Variants in COL21A1 observed in about 807,000 individuals in gnomAD.
The protein encoded by COL21A1 is collagen alpha-1(XXI) chain.
COL21A1 carries 149 observed loss-of-function variants against 137.9 expected under a neutral mutation model. The observed-to-expected ratio is 1.08, with a 90% CI of 0.95 to 1.24. The LOEUF (loss-of-function observed/expected upper bound fraction) is 1.24. Ranked by LOEUF, COL21A1 falls within the 50% of genes most tolerant of loss-of-function variation. The pLI is 0.00. For missense variants in COL21A1, 1,167 were observed against 1,158.4 expected (o/e 1.01, Z -0.11); for synonymous variants, 456 against 391.5 (o/e 1.16, Z -1.95).
chr6:56,266,603 T>C (rs910857430), intron 1 of COL21A1, among the ~76,000 whole-genome samples: 1 of 152,246 alleles, frequency 6.6e-6, no homozygotes, highest in African/African-American at 2.4e-5. Context: ...AAATGACTGC[T>C]GTTCTTTGAA....
chr6:56,202,489 C>T (rs553747547), intron 1 of COL21A1, among the ~76,000 whole-genome samples: 1 of 152,252 alleles, frequency 6.6e-6, no homozygotes, highest in African/African-American at 2.4e-5. Context: ...ATCACTGACC[C>T]TCAATAAATG....
chr6:56,321,137 G>A (rs1764855560), intron 1 of COL21A1, among the ~76,000 whole-genome samples: 1 of 152,168 alleles, frequency 6.6e-6, no homozygotes, highest in Admixed American at 6.6e-5. Flanking sequence ...CTCACAACAT[G>A]TTTGGGAATC....
In COL21A1 at chr6:56,210,060, G is replaced by A. The variant is rs894826121; in HGVS notation, c.-38-27404C>T. 6.0e-4 allele frequency among the ~76,000 whole-genome samples: 91 copies of A among 151,984 alleles called. 1 individual carries two copies. The highest frequency in any genetic ancestry group is 6.8e-3 in the Middle Eastern group (2 of 294). ...CTCATAAGTAGGAGTTGAACAATGA[G>A]AGCACCTGGACTCAGGTGGGAGGCA... On this transcript the variant is annotated intron_variant, in intron 1 of 29. Transcript: ENST00000244728.
intron 24 of COL21A1, among the ~76,000 whole-genome samples, chr6:56,063,442 G>A (rs1032071896): frequency 1.9e-5 from 2 of 104,544 alleles, no homozygotes; most frequent in African/African-American, 7.7e-5. Flanking sequence ...GAGTTGATCT[G>A]TGTTGCCAGG....
At chr6:56,149,846 C>T (rs560514998) in intron 10 of COL21A1, among the ~76,000 whole-genome samples, 332 of 152,340 alleles carry the variant, frequency 2.2e-3, no homozygotes, top group African/African-American at 7.2e-3. Context: ...ACTTCTCCTT[C>T]TGTGTTTGCG....
chr6:56,107,049 A>G (rs1358054287), intron 16 of COL21A1, among the ~76,000 whole-genome samples: 1 of 152,112 alleles, frequency 6.6e-6, no homozygotes, highest in Non-Finnish European at 1.5e-5. Context: ...GGCCTCCGAA[A>G]GTGCTGGGAT....
intron 1 of COL21A1, among the ~76,000 whole-genome samples, chr6:56,215,298 C>G (rs1385356661): frequency 1.3e-5 from 2 of 151,970 alleles, no homozygotes; most frequent in Non-Finnish European, 2.9e-5. Flanking sequence ...TTTATTATCC[C>G]AAATATCTGC....
At chr6:56,331,535 G>A (rs1320420098) in intron 1 of COL21A1, among the ~76,000 whole-genome samples, 1 of 137,218 alleles carries the variant, frequency 7.3e-6, no homozygotes, top group Admixed American at 8.4e-5. Context: ...TGAAAAGGAT[G>A]TCCTTTCCCC....
chr6:56,293,246 A>G (rs1182658128), intron 1 of COL21A1, among the ~76,000 whole-genome samples: 2 of 152,184 alleles, frequency 1.3e-5, no homozygotes, highest in Non-Finnish European at 2.9e-5. Context: ...TTGATTCAAA[A>G]GTTCTCATCT....
intron 1 of COL21A1, among the ~76,000 whole-genome samples, chr6:56,204,332 C>T (rs1408440051): frequency 2.6e-5 from 4 of 152,102 alleles, no homozygotes; most frequent in African/African-American, 7.2e-5. Context: ...GTGGTTTAAC[C>T]CTCACAGTGT....
chr6:56,252,795 TA>T lies in COL21A1; in HGVS notation c.-38-70140del, dbSNP rs370159192. On this transcript the variant is annotated intron_variant, in intron 1 of 28. Transcript: ENST00000370819. ...AAAGAAAATCAGGATGCTGTTACCA[TA>T]AAAAGGAAAAATGAATGCTGGGTGG... Among the ~76,000 whole-genome samples the T allele has an allele frequency of 1.9e-3, 284 of 152,150 alleles. 1 individual carries two copies. The highest frequency in any genetic ancestry group is 6.7e-3 in the African/African-American group (279 of 41,520).
intron 18 of COL21A1, among the ~76,000 whole-genome samples, 161 bp from the exon 19 acceptor site, chr6:56,075,693 A>G (rs930610574): frequency 1.3e-5 from 2 of 151,472 alleles, no homozygotes; most frequent in African/African-American, 2.4e-5. Context: ...GGCCTTAAAG[A>G]CCTTGGCATA....
chr6:56,248,764 T>C (rs1175962302), upstream of COL21A1, among the ~76,000 whole-genome samples: 5 of 152,238 alleles, frequency 3.3e-5, no homozygotes, highest in African/African-American at 9.6e-5. Context: ...AATGATCATT[T>C]CCTGAATTTC....
chr6:56,067,347 T>G lies in COL21A1; in HGVS notation c.2092-17A>C. ...TTTGTCCCCCTACAAAAAGGCAGTT[T>G]GATCTGTATCATAATCTAGCATATT... is the stretch of plus-strand genomic sequence containing the variant. On this transcript the variant is annotated splice_polypyrimidine_tract_variant and intron_variant, in intron 22 of 29. Transcript: ENST00000244728. 1 of 1,604,476 alleles carries G rather than the reference T, an allele frequency of 6.2e-7. No individual in the cohort carries two copies. Among genetic ancestry groups the G allele is most frequent in the Non-Finnish European group, 8.5e-7 (1 of 1,172,808 alleles).
chr6:56,191,477 A>G (rs973698036), intron 1 of COL21A1, among the ~76,000 whole-genome samples: 1 of 151,038 alleles, frequency 6.6e-6, no homozygotes, highest in African/African-American at 2.4e-5. Context: ...CTGTAATCCC[A>G]GTTACCGGGG....
intron 3 of COL21A1, among the ~76,000 whole-genome samples, chr6:56,175,434 CA>C (rs1342182215): frequency 6.6e-5 from 10 of 151,704 alleles, no homozygotes; most frequent in Non-Finnish European, 1.2e-4. Context: ...TAGAAGAAAC[CA>C]ATTAAGCAAA....
At chr6:56,391,510 C>A (rs1231201512) in intron 1 of COL21A1, among the ~76,000 whole-genome samples, 3 of 151,198 alleles carry the variant, frequency 2.0e-5, no homozygotes, top group Non-Finnish European at 4.4e-5. Context: ...TTTTAAAAAC[C>A]TTTTTAAATG....
chr6:56,232,599 G>C (rs1781637745), intron 1 of COL21A1, among the ~76,000 whole-genome samples: 1 of 151,904 alleles, frequency 6.6e-6, no homozygotes, highest in South Asian at 2.1e-4. Flanking sequence ...GTGTAAAGCA[G>C]AAACAGCTGC....
intron 1 of COL21A1, among the ~76,000 whole-genome samples, chr6:56,219,965 C>T (rs2152311798): frequency 6.6e-6 from 1 of 152,206 alleles, no homozygotes; most frequent in South Asian, 2.1e-4. Flanking sequence ...AGGAAGTTTA[C>T]TACAAATTAT....
Sources: allele counts gnomAD v4.1 joint callset (sites outside exome capture counted in the v4.1 genomes callset), GRCh38; gene constraint gnomAD v4.1.1; transcripts MANE v1.5; gene names NCBI Gene and HGNC (gene_info 2026-07-23, HGNC 2026-07-21).